The following USP28 variants were observed in gnomAD, a reference collection of about 807,000 sequenced individuals.
USP28 encodes ubiquitin specific peptidase 28.
Under a neutral mutation model 145.0 loss-of-function variants are expected in USP28, and 113 were observed. That is an observed-to-expected ratio of 0.78 (90% CI 0.67 to 0.91). The LOEUF (loss-of-function observed/expected upper bound fraction) is 0.91. Ranked by LOEUF, USP28 falls within the 40% of genes least tolerant of loss-of-function variation. USP28 has a pLI of 0.00. For missense variants in USP28, 1,201 were observed against 1,289.6 expected (o/e 0.93, Z 1.05); for synonymous variants, 447 against 450.9 (o/e 0.99, Z 0.11).
chr11:113,824,598 T>G (rs1257351661), intron 11 of USP28, among the ~76,000 whole-genome samples: 1 of 150,650 alleles, frequency 6.6e-6, no homozygotes, highest in African/African-American at 2.4e-5. Context: ...GGATTACAGG[T>G]GTGAGCCACC....
At chr11:113,813,768 T>A in intron 15 of USP28, 117 bp downstream of exon 15, 1 of 786,016 alleles carries the variant, frequency 1.3e-6, no homozygotes, top group Non-Finnish European at 2.1e-6. Flanking sequence ...ATATCTTAAG[T>A]TTATTCTTTT....
chr11:113,803,079 GA>G, intron 23 of USP28, 78 bp downstream of exon 24: 1 of 1,415,624 alleles, frequency 7.1e-7, no homozygotes, highest in Non-Finnish European at 9.4e-7. Context: ...AGTCTGTTTT[GA>G]AAGCCATATA....
At chr11:113,848,762 T>C (rs1297192086) in intron 3 of USP28, among the ~76,000 whole-genome samples, 1 of 152,164 alleles carries the variant, frequency 6.6e-6, no homozygotes, top group Non-Finnish European at 1.5e-5. Context: ...GCATGTAAAC[T>C]TGTCCTTCAA....
rs550568273 is a variant in USP28, at chr11:113,848,532, T to C, written c.268+3969A>G. 2.0e-5 allele frequency among the ~76,000 whole-genome samples: 3 copies of C among 152,292 alleles called. No individual in the cohort carries two copies. In the South Asian group the frequency reaches 6.2e-4, roughly 32 times the overall value. The stretch of plus-strand genomic sequence containing the variant: ...GGGGCTTCGTGACACAGAAGCACAA[T>C]GCACTGTGATTTCAAAACCTGTTGA... On this transcript the variant is annotated intron_variant, in intron 3 of 24. Transcript: ENST00000003302.
chr11:113,829,824 C>CAA (rs5794883), intron 9 of USP28, among the ~76,000 whole-genome samples: 249 of 104,644 alleles, frequency 2.4e-3, no homozygotes, highest in Middle Eastern at 5.2e-3. Context: ...GGACTTGTCT[C>CAA]AAAAAAAAAA....
chr11:113,819,868 C>T (rs1392608624), intron 12 of USP28, among the ~76,000 whole-genome samples: 4 of 152,110 alleles, frequency 2.6e-5, no homozygotes, highest in African/African-American at 7.2e-5. Context: ...TACAGGCATG[C>T]GCCACCACGC....
chr11:113,827,192 T>C lies in USP28; in HGVS notation c.1187+41A>G, dbSNP rs1221407467. On this transcript the variant is annotated intron_variant, in intron 11 of 24. Coordinates refer to ENST00000003302, the Ensembl canonical transcript of USP28. ...CTTAGTACGTGCTCATCTCTACTGC[T>C]GTAATACCTCAGGAAAAAAAAAAAT... 3.2e-6 allele frequency: 5 copies of C among 1,585,858 alleles called. No individual in the cohort carries two copies. In the East Asian group the frequency reaches 6.7e-5, roughly 21 times the overall value.
chr11:113,801,674 A>G, exon 24 of USP28: 1 of 1,564,172 alleles, frequency 6.4e-7, no homozygotes, highest in Non-Finnish European at 8.7e-7. Context: ...TTTGGCATTC[A>G]GCTCCTACAG....
At chr11:113,817,515 A>G (rs1941916435) in intron 13 of USP28, 143 bp downstream of exon 13, 3 of 957,110 alleles carry the variant, frequency 3.1e-6, no homozygotes, top group Non-Finnish European at 4.5e-6. Context: ...AGTGACAGTC[A>G]GCAAAACCCT....
intron 1 of USP28, among the ~76,000 whole-genome samples, chr11:113,862,142 T>TTCAA (rs1279668808): frequency 6.6e-6 from 1 of 150,904 alleles, no homozygotes; most frequent in Non-Finnish European, 1.5e-5. Flanking sequence ...AGGTCAGGAG[T>TTCAA]TCAAGACCAG....
chr11:113,865,037 A>G (rs1435475302), intron 1 of USP28, among the ~76,000 whole-genome samples: 3 of 152,096 alleles, frequency 2.0e-5, no homozygotes, highest in Non-Finnish European at 4.4e-5. Context: ...GTGAGGTTTC[A>G]CCACGTTGCC....
At chr11:113,858,545 TG>T (rs1158214688) in intron 1 of USP28, among the ~76,000 whole-genome samples, 2 of 152,248 alleles carry the variant, frequency 1.3e-5, no homozygotes, top group African/African-American at 2.4e-5. Context: ...TGAATACGCC[TG>T]TGACTGAATG....
intron 6 of USP28, 104 bp downstream of exon 6, chr11:113,834,145 C>T (rs1944315726): frequency 1.3e-6 from 1 of 765,530 alleles, no homozygotes; most frequent in East Asian, 2.7e-5. Context: ...ATAATTAGCA[C>T]AAGCCAAAGA....
intron 16 of USP28, among the ~76,000 whole-genome samples, chr11:113,811,134 G>A (rs942318423): frequency 2.6e-5 from 4 of 152,226 alleles, no homozygotes; most frequent in Non-Finnish European, 4.4e-5. Context: ...TTGGAGAATT[G>A]TATTTGAATC....
exon 13 of USP28, chr11:113,817,799 A>C: frequency 6.2e-7 from 1 of 1,614,180 alleles, no homozygotes; most frequent in Non-Finnish European, 8.5e-7. Context: ...CATGTCCGGG[A>C]GCGGGAACCG....
At chr11:113,822,501 A>AGAGAGAGAGAGAGAGAGAGAGAG (rs55941883) in intron 12 of USP28, 1 of 116,060 alleles carries the variant, frequency 8.6e-6, no homozygotes, top group African/African-American at 3.1e-5. Flanking sequence ...AGAGAGAGAG[A>AGAGAGAGAGAGAGAGAGAGAGAG]TGGGGTCTCA....
At chr11:113,815,699 G>T (rs1023050102) in intron 13 of USP28, among the ~76,000 whole-genome samples, 3 of 152,208 alleles carry the variant, frequency 2.0e-5, no homozygotes, top group Admixed American at 6.5e-5. Context: ...TTTAGCTCAT[G>T]TTCTCTGATC....
rs1180368145 is a variant in USP28 at position 113,812,496 on chromosome 11, A to AT, written c.1751dup (p.Tyr584Ter). The change falls in exon 16 of 25, where the codon TAT (tyrosine) becomes TAAT (stop). Residue 584 changes from tyrosine (Y) to a stop codon, truncating the protein, a stop_gained and frameshift_variant. Transcript: ENST00000003302. LOFTEE classifies it high-confidence loss of function. ...CATGAACAAGAACTGCATGCAAGCG[A>AT]TAAGGCACCTGTAAGTCAGAATGTA... 6 of 1,613,962 alleles carry AT rather than the reference A, an allele frequency of 3.7e-6. No homozygotes were observed. The highest frequency in any genetic ancestry group is 5.1e-6 in the Non-Finnish European group (6 of 1,179,988).
chr11:113,854,379 A>T lies in USP28; in HGVS notation c.58-44T>A, dbSNP rs769205526. Reference sequence around the variant, plus strand: ...AAAACCACAAACATGTCAGTCAGAAAGTAAACCTGGGTACATTTAAAGAAT... The same window carrying T: ...AAAACCACAAACATGTCAGTCAGAATGTAAACCTGGGTACATTTAAAGAAT... On this transcript the variant is annotated intron_variant, in intron 1 of 24. Transcript: ENST00000003302. 11 of 1,556,830 alleles carry T rather than the reference A, an allele frequency of 7.1e-6. 1 individual carries two copies. The South Asian group carries it at 1.2e-4, about 17-fold the overall frequency.
Sources: gnomAD v4.1 joint callset for allele counts (sites outside exome capture counted in the v4.1 genomes callset) on GRCh38, gnomAD v4.1.1 for gene constraint, MANE v1.5 for transcripts, NCBI Gene and HGNC (gene_info 2026-07-23, HGNC 2026-07-21) for gene names.